The following CENPS variants were observed in gnomAD, a reference collection of about 807,000 sequenced individuals.
The protein encoded by CENPS is FANCM associated histone fold protein 1.
CENPS carries 16 observed loss-of-function variants against 17.9 expected under a neutral mutation model. The ratio of observed to expected loss-of-function variants is 0.90; its 90% CI spans 0.61 to 1.36. The LOEUF is 1.36. Ranked by LOEUF, CENPS falls within the 40% of genes most tolerant of loss-of-function variation. The probability of loss-of-function intolerance (pLI) is 0.00; values close to 1 mark genes in which losing one functional copy is unlikely to be tolerated. For synonymous variants in CENPS, 49 were observed against 55.8 expected, an observed-to-expected ratio of 0.88 and a Z score of 0.54; for missense variants, 160 against 158.6, an observed-to-expected ratio of 1.01 and a Z score of -0.05.
intron 1 of CENPS, chr1:10,431,017 A>G: frequency 2.3e-6 from 3 of 1,315,318 alleles, no homozygotes; most frequent in South Asian, 1.7e-5. Context: ...CGCGGTGCGG[A>G]CCAGTCAGGC....
chr1:10,435,979 TG>T (rs1160459035), intron 3 of CENPS, among the ~76,000 whole-genome samples: 1 of 126,970 alleles, frequency 7.9e-6, no homozygotes, highest in Non-Finnish European at 1.7e-5. Context: ...TATAAGAGGT[TG>T]ATTTTTTTTT....
At chr1:10,433,752 G>A (rs191801518) in intron 1 of CENPS, 90 bp from the exon 2 acceptor site, 2 of 1,584,986 alleles carry the variant, frequency 1.3e-6, no homozygotes, top group East Asian at 4.5e-5. Flanking sequence ...ATTGGGCTGA[G>A]CAGACCCTCT....
intron 1 of CENPS, among the ~76,000 whole-genome samples, chr1:10,431,855 GAAA>G (rs5772410): frequency 8.4e-6 from 1 of 118,762 alleles, no homozygotes; most frequent in African/African-American, 3.1e-5. Context: ...CTCCATCTCA[GAAA>G]AAAAAAAAAA....
rs1470383804 is a variant in CENPS, at chr1:10,442,564, T to C, written c.*159T>C. ...TTTTGTGCTGAATTCTCCACATTGT[T>C]AACTGCCAAAGCTAGTTTTAGAGAA... On this transcript the variant is annotated 3_prime_UTR_variant, in exon 5 of 5. Transcript: ENST00000309048. 1.7e-6 allele frequency: 2 copies of C among 1,211,670 alleles called. No homozygotes were observed. The highest frequency in any genetic ancestry group is 2.1e-6 in the Non-Finnish European group (2 of 948,236). The allele number at this position is 1,211,670 out of a possible 1,614,324, so 75.1% of individuals were successfully genotyped here. A position where few individuals can be genotyped will look rare whatever the true frequency, so the allele number is the denominator to read the frequency against.
chr1:10,431,634 T>C (rs1326912178), intron 1 of CENPS, among the ~76,000 whole-genome samples: 1 of 152,118 alleles, frequency 6.6e-6, no homozygotes, highest in Non-Finnish European at 1.5e-5. Flanking sequence ...GGTGGGCAGA[T>C]CACTTGAGGT....
At chr1:10,437,889 A>G (rs1233651206) in intron 3 of CENPS, among the ~76,000 whole-genome samples, 2 of 149,956 alleles carry the variant, frequency 1.3e-5, no homozygotes, top group African/African-American at 5.0e-5. Context: ...CAGCCTCCCG[A>G]GTAGCTGGGA....
chr1:10,430,848 C>T (rs901843710), intron 1 of CENPS: 1 of 1,324,978 alleles, frequency 7.5e-7, no homozygotes, highest in Non-Finnish European at 9.6e-7. Flanking sequence ...TCTGGCCTTG[C>T]GATGAATCCT....
chr1:10,435,783 C>T (rs1410996025), intron 3 of CENPS, among the ~76,000 whole-genome samples: 1 of 151,526 alleles, frequency 6.6e-6, no homozygotes, highest in Non-Finnish European at 1.5e-5. Flanking sequence ...TGGTATGTTG[C>T]CCAGGCTGGT....
intron 3 of CENPS, among the ~76,000 whole-genome samples, chr1:10,437,484 T>G (rs1057328466): frequency 6.6e-6 from 1 of 150,420 alleles, no homozygotes; most frequent in African/African-American, 2.5e-5. Context: ...TTAGATGGAG[T>G]CTCACTCTGT....
At position 10,433,965 on chromosome 1, in the gene CENPS, GGTA is replaced by G; in HGVS notation, c.175+1_175+3del. ...TTCGGAGCTGACTTTCCGACAGTGT[GGTA>G]TGAAGCTTCGGCCTCCCCAGCCATG... On this transcript the variant is annotated splice_donor_variant and splice_donor_region_variant and intron_variant, in intron 2 of 4. Coordinates refer to ENST00000309048, the MANE Select transcript of CENPS (RefSeq NM_199294.3). LOFTEE classifies it high-confidence loss of function. 1 of 1,614,160 alleles carries G rather than the reference GGTA, an allele frequency of 6.2e-7. No homozygotes were observed. The highest frequency in any genetic ancestry group is 2.2e-5 in the East Asian group (1 of 44,888).
intron 1 of CENPS, among the ~76,000 whole-genome samples, chr1:10,431,849 A>AGACTCCT (rs1305720275): frequency 2.8e-5 from 1 of 36,188 alleles, no homozygotes; most frequent in Non-Finnish European, 4.6e-5. Flanking sequence ...GCGAGACTCC[A>AGACTCCT]TCTCAGAAAA....
chr1:10,432,401 A>G (rs1639960571), intron 1 of CENPS, among the ~76,000 whole-genome samples: 1 of 152,184 alleles, frequency 6.6e-6, no homozygotes, highest in Non-Finnish European at 1.5e-5. Flanking sequence ...TAGTCCCTAG[A>G]ACAGAGCCTG....
At chr1:10,436,813 G>A (rs1640186210) in intron 3 of CENPS, among the ~76,000 whole-genome samples, 1 of 152,100 alleles carries the variant, frequency 6.6e-6, no homozygotes. Context: ...GGAGTCTGGG[G>A]TGCAGCCAGA....
chr1:10,438,383 G>T, intron 3 of CENPS, among the ~76,000 whole-genome samples: 1 of 152,108 alleles, frequency 6.6e-6, no homozygotes, highest in East Asian at 1.9e-4. Flanking sequence ...GACCTCAAAT[G>T]ATCCACCCAC....
At chr1:10,430,852 G>T in intron 1 of CENPS, 2 of 1,324,416 alleles carry the variant, frequency 1.5e-6, no homozygotes, top group Non-Finnish European at 1.9e-6. Flanking sequence ...GCCTTGCGAT[G>T]AATCCTCGGT....
intron 1 of CENPS, chr1:10,430,828 G>C: frequency 1.5e-6 from 2 of 1,343,248 alleles, no homozygotes; most frequent in Non-Finnish European, 1.9e-6. Context: ...CCGGCGGCGA[G>C]AGGCCACCTT....
chr1:10,440,526 A>G, intron 4 of CENPS, 113 bp downstream of exon 4: 1 of 1,426,112 alleles, frequency 7.0e-7, no homozygotes, highest in African/African-American at 1.4e-5. Flanking sequence ...TAGAAACTAG[A>G]GGTGGCTGAA....
intron 3 of CENPS, among the ~76,000 whole-genome samples, chr1:10,435,492 C>T (rs939442343): frequency 6.6e-5 from 10 of 151,522 alleles, no homozygotes; most frequent in Non-Finnish European, 1.5e-5. Flanking sequence ...TGTGGATATT[C>T]GTCCCTGAAA....
chr1:10,435,872 C>G (rs1471120738), intron 3 of CENPS, among the ~76,000 whole-genome samples: 1 of 151,598 alleles, frequency 6.6e-6, no homozygotes, highest in East Asian at 1.9e-4. Context: ...CCATGCCCAG[C>G]CTGAAAATAC....
Sources: allele counts gnomAD v4.1 joint callset (sites outside exome capture counted in the v4.1 genomes callset), GRCh38; gene constraint gnomAD v4.1.1; transcripts MANE v1.5; gene names NCBI Gene and HGNC (gene_info 2026-07-23, HGNC 2026-07-21).